The following LIMCH1 variants were observed in gnomAD, a reference collection of about 807,000 sequenced individuals.
LIMCH1 encodes the protein LIM and calponin homology domains 1, also known as LIM and calponin homology domains-containing protein 1.
In LIMCH1, 113 loss-of-function variants were observed where a neutral mutation model predicts 176.5. The ratio of observed to expected loss-of-function variants is 0.64; its 90% CI spans 0.55 to 0.75. The LOEUF (loss-of-function observed/expected upper bound fraction) is 0.75. LIMCH1 is among the 30% of genes least tolerant of loss of function. The pLI, the probability that LIMCH1 is intolerant of heterozygous loss-of-function variation, is 0.00. For synonymous variants in LIMCH1, 619 were observed against 645.9 expected, an observed-to-expected ratio of 0.96 and a Z score of 0.63; for missense variants, 1,674 against 1,814.9, an observed-to-expected ratio of 0.92 and a Z score of 1.41.
chr4:41,646,686 G>A lies in LIMCH1; in HGVS notation c.2613G>A (p.Met871Ile), dbSNP rs762979334. ...CCTTCCTGAATGACCCCAATCCCAT[G>A]AAATACCTGCGGCAACAGTCACTGC... ...LSSFLNDPNP[M>I]KYLRQQSLPP... The change falls in exon 17 of 32, where the codon ATG (methionine) becomes ATA (isoleucine). Residue 871 changes from methionine (M) to isoleucine (I), a missense_variant. Coordinates refer to ENST00000503057, the MANE Select transcript of LIMCH1 (RefSeq NM_001330672.2). 4 of 1,614,186 alleles carry A rather than the reference G, an allele frequency of 2.5e-6. No individual in the cohort carries two copies. In the South Asian group the frequency reaches 4.4e-5, roughly 18 times the overall value.
chr4:41,395,444 T>C (rs2057706920), intron 1 of LIMCH1, among the ~76,000 whole-genome samples: 1 of 140,344 alleles, frequency 7.1e-6, no homozygotes, highest in Non-Finnish European at 1.5e-5. Context: ...GGTTTCACCA[T>C]GTTGACCAAG....
chr4:41,609,781 C>T (rs773625253), intron 4 of LIMCH1: 1 of 384,788 alleles, frequency 2.6e-6, no homozygotes, highest in Non-Finnish European at 5.2e-6. Flanking sequence ...AAAGCAGAGA[C>T]AATGTTAATT....
At chr4:41,590,955 G>C (rs755663010) in intron 1 of LIMCH1, among the ~76,000 whole-genome samples, 4 of 152,154 alleles carry the variant, frequency 2.6e-5, no homozygotes, top group Non-Finnish European at 4.4e-5. Flanking sequence ...AGTTCCTGGA[G>C]ATATTTTGGT....
intron 1 of LIMCH1, among the ~76,000 whole-genome samples, chr4:41,368,921 A>G (rs1379229649): frequency 6.6e-6 from 1 of 152,202 alleles, no homozygotes; most frequent in Non-Finnish European, 1.5e-5. Flanking sequence ...TAGAGGCTGT[A>G]GAGGCTGTAC....
At chr4:41,620,082 T>G (rs1162800920) in intron 6 of LIMCH1, 4 of 226,942 alleles carry the variant, frequency 1.8e-5, no homozygotes, top group Non-Finnish European at 2.6e-5. Flanking sequence ...TACAATAAAA[T>G]AAACTTGTCT....
intron 1 of LIMCH1, among the ~76,000 whole-genome samples, chr4:41,415,282 G>A (rs1306807788): frequency 1.3e-5 from 2 of 152,174 alleles, no homozygotes; most frequent in Non-Finnish European, 1.5e-5. Context: ...TGAAAGCCAT[G>A]TGGAGAATGT....
chr4:41,541,723 C>T (rs912142652), intron 1 of LIMCH1, among the ~76,000 whole-genome samples: 1 of 152,200 alleles, frequency 6.6e-6, no homozygotes, highest in Non-Finnish European at 1.5e-5. Flanking sequence ...TCCACAGCAG[C>T]CATCTGTGAA....
intron 1 of LIMCH1, among the ~76,000 whole-genome samples, chr4:41,480,723 G>A (rs1357171129): frequency 1.3e-5 from 2 of 152,132 alleles, no homozygotes; most frequent in Non-Finnish European, 2.9e-5. Context: ...TGTAGCCTAC[G>A]AGCTCTCCAC....
rs1465475319 is a variant in LIMCH1, at chr4:41,662,899, T to C, written c.3206T>C (p.Leu1069Pro). ...GTGGAATTTCCCTCCAGCCCCCAGC[T>C]GAAGAATGATGTGTCGGAAGAAAAA... Reference protein sequence around the residue: ...AFVEFPSSPQLKNDVSEEKDQ... With the variant: ...AFVEFPSSPQPKNDVSEEKDQ... The change falls in exon 20 of 32, where the codon CTG becomes CCG. Residue 1069 changes from leucine (L) to proline (P), a missense_variant. This residue lies in a region of LIMCH1 where 1,015 missense variants were observed against 1,102.5 expected (regional missense o/e 0.92). Transcript: ENST00000503057. 5 of 1,613,782 alleles carry C rather than the reference T, an allele frequency of 3.1e-6. No individual in the cohort carries two copies. Among genetic ancestry groups the C allele is most frequent in the Non-Finnish European group, 4.2e-6 (5 of 1,179,964 alleles).
chr4:41,663,133 T>TGGTGTGTGTG, intron 20 of LIMCH1, 149 bp downstream of exon 20: 1 of 571,558 alleles, frequency 1.7e-6, no homozygotes, highest in African/African-American at 2.8e-5. Context: ...TTTTTCTTTT[T>TGGTGTGTGTG]CGTGTGTGTG....
intron 1 of LIMCH1, among the ~76,000 whole-genome samples, chr4:41,582,984 AAGTGGAC>A (rs761042357): frequency 2.0e-5 from 3 of 152,156 alleles, no homozygotes; most frequent in Non-Finnish European, 4.4e-5. Flanking sequence ...TAATCATTTT[AAGTGGAC>A]AGTTCAATGG....
In LIMCH1 at chr4:41,395,229, A is replaced by T. The variant is rs984911847; in HGVS notation, c.96+34293A>T. 7.8e-4 allele frequency among the ~76,000 whole-genome samples: 102 copies of T among 130,894 alleles called. 1 individual carries two copies. The highest frequency in any genetic ancestry group is 2.8e-3 in the African/African-American group (92 of 33,246). 85.9% of individuals were successfully genotyped at this position (130,894 alleles called of 152,430 possible). On this transcript the variant is annotated intron_variant, in intron 1 of 26. Transcript: ENST00000313860. ...TCATCAGCTAGACTAGTAGAAGTTA[A>T]TTTTTTTTTTTTTTTTTTTTGAGAT...
chr4:41,589,290 G>A (rs921754896), intron 1 of LIMCH1, among the ~76,000 whole-genome samples: 1 of 152,164 alleles, frequency 6.6e-6, no homozygotes, highest in Non-Finnish European at 1.5e-5. Context: ...AAAAGAGAGC[G>A]AGAGAGCTGT....
chr4:41,369,803 G>A (rs1047510603), intron 1 of LIMCH1, among the ~76,000 whole-genome samples: 4 of 151,946 alleles, frequency 2.6e-5, no homozygotes, highest in African/African-American at 7.3e-5. Context: ...TTCCTCACTA[G>A]GGCCTCACAG....
At chr4:41,495,121 T>C (rs2071862006) in intron 2 of LIMCH1, among the ~76,000 whole-genome samples, 1 of 152,244 alleles carries the variant, frequency 6.6e-6, no homozygotes, top group African/African-American at 2.4e-5. Context: ...CAGTGTTTAA[T>C]TTTTGTGTTT....
At chr4:41,513,630 C>A (rs2075203055) in intron 2 of LIMCH1, among the ~76,000 whole-genome samples, 1 of 152,124 alleles carries the variant, frequency 6.6e-6, no homozygotes, top group African/African-American at 2.4e-5. Flanking sequence ...CAGGAAGGAA[C>A]TAAAAGCCTG....
At chr4:41,508,432 C>T (rs2074439324) in intron 2 of LIMCH1, among the ~76,000 whole-genome samples, 1 of 152,178 alleles carries the variant, frequency 6.6e-6, no homozygotes, top group Non-Finnish European at 1.5e-5. Context: ...TATGGACAAG[C>T]CACCCAGGAC....
chr4:41,518,457 G>A (rs1193411439), intron 2 of LIMCH1, among the ~76,000 whole-genome samples: 1 of 152,174 alleles, frequency 6.6e-6, no homozygotes, highest in Non-Finnish European at 1.5e-5. Context: ...ATTAAATGAT[G>A]ATTGAGAGAC....
At chr4:41,495,819 TGTCA>T (rs2072021863) in intron 2 of LIMCH1, among the ~76,000 whole-genome samples, 1 of 152,202 alleles carries the variant, frequency 6.6e-6, no homozygotes, top group African/African-American at 2.4e-5. Flanking sequence ...ACACAGCTCC[TGTCA>T]GCATTTTTTT....
Sources: allele counts gnomAD v4.1 joint callset (sites outside exome capture counted in the v4.1 genomes callset), GRCh38; gene constraint gnomAD v4.1.1; regional missense constraint gnomAD v4.1.1; transcripts MANE v1.5; gene names NCBI Gene and HGNC (gene_info 2026-07-23, HGNC 2026-07-21).